HECW1: variants seen among roughly 807,000 people sequenced by gnomAD.
HECW1 encodes the protein E3 ubiquitin-protein ligase HECW1.
In HECW1, 61 loss-of-function variants were observed where a neutral mutation model predicts 182.3. The ratio of observed to expected loss-of-function variants is 0.33; its 90% CI spans 0.27 to 0.41. HECW1 has a LOEUF of 0.41. Among genes scored for constraint, HECW1 ranks in the 10% least tolerant of loss-of-function variants. HECW1 has a pLI of 1.00. For synonymous variants in HECW1, 859 were observed against 832.6 expected (o/e 1.03, Z -0.55); for missense variants, 1,739 against 2,108.9 (o/e 0.82, Z 3.44).
chr7:43,454,832 C>T (rs1328992439), intron 12 of HECW1, among the ~76,000 whole-genome samples: 2 of 152,216 alleles, frequency 1.3e-5, no homozygotes. Flanking sequence ...AAAGCTATGG[C>T]TTTTCTCACT....
intron 2 of HECW1, among the ~76,000 whole-genome samples, chr7:43,149,650 G>A (rs917418667): frequency 1.3e-5 from 2 of 152,164 alleles, no homozygotes; most frequent in Non-Finnish European, 2.9e-5. Flanking sequence ...AGGATGCTTG[G>A]TGGAAGATAA....
rs1025902237 is a variant in HECW1 at position 43,342,398 on chromosome 7, G to A, written c.461-18488G>A. Among the ~76,000 whole-genome samples the A allele has an allele frequency of 3.3e-5, 5 of 151,830 alleles. No homozygotes were observed. The East Asian group carries it at 9.7e-4, about 29-fold the overall frequency. On this transcript the variant is annotated intron_variant, in intron 5 of 29. Transcript: ENST00000395891. Reference sequence around the variant, plus strand: ...AAAAAGAAATACAAATGGATATACTGCCATATAGGATAGACTGGCAGGACT... The same window carrying A: ...AAAAAGAAATACAAATGGATATACTACCATATAGGATAGACTGGCAGGACT...
At chr7:43,417,589 G>C (rs1014245334) in intron 8 of HECW1, among the ~76,000 whole-genome samples, 1 of 152,118 alleles carries the variant, frequency 6.6e-6, no homozygotes, top group Non-Finnish European at 1.5e-5. Context: ...TCCGCCCAGT[G>C]AGGTGGCACA....
At chr7:43,190,497 A>G (rs546424170) in intron 2 of HECW1, among the ~76,000 whole-genome samples, 2 of 152,282 alleles carry the variant, frequency 1.3e-5, no homozygotes, top group South Asian at 2.1e-4. Flanking sequence ...AGCTTGAGGG[A>G]TTTTCAAAGG....
chr7:43,323,644 A>T (rs1011709993), intron 5 of HECW1, among the ~76,000 whole-genome samples: 1 of 152,350 alleles, frequency 6.6e-6, no homozygotes, highest in East Asian at 1.9e-4. Context: ...ATACATTATA[A>T]TATAAAACCA....
intron 3 of HECW1, among the ~76,000 whole-genome samples, chr7:43,308,038 A>ATG (rs1807864566): frequency 8.7e-6 from 1 of 115,134 alleles, no homozygotes; most frequent in Non-Finnish European, 1.6e-5. Flanking sequence ...TATATATTAT[A>ATG]TTGTATTATA....
chr7:43,486,586 C>T (rs1375252343), intron 17 of HECW1, among the ~76,000 whole-genome samples: 2 of 152,240 alleles, frequency 1.3e-5, no homozygotes, highest in Non-Finnish European at 2.9e-5. Flanking sequence ...CAGGCGTGAG[C>T]CACCGTGCCT....
At chr7:43,455,794 C>T (rs1203465059) in intron 12 of HECW1, among the ~76,000 whole-genome samples, 2 of 78 alleles carry the variant, frequency 0.026, no homozygotes, top group Non-Finnish European at 0.056. Context: ...AGTTTGAGAC[C>T]AGCCTGCCAA....
intron 8 of HECW1, among the ~76,000 whole-genome samples, chr7:43,426,075 A>G (rs1240364092): frequency 1.3e-5 from 2 of 152,246 alleles, no homozygotes; most frequent in African/African-American, 4.8e-5. Context: ...TTTCTTGCTA[A>G]CAAGCTGTCT....
intron 29 of HECW1, among the ~76,000 whole-genome samples, chr7:43,560,634 T>C (rs2082178984): frequency 6.6e-6 from 1 of 152,170 alleles, no homozygotes; most frequent in Non-Finnish European, 1.5e-5. Flanking sequence ...CCCCGTAACC[T>C]GAGTGCTGCA....
At chr7:43,148,424 T>A (rs1022448915) in intron 2 of HECW1, among the ~76,000 whole-genome samples, 2 of 151,744 alleles carry the variant, frequency 1.3e-5, no homozygotes, top group Non-Finnish European at 2.9e-5. Flanking sequence ...TGTGCCTGCA[T>A]GTCTCTGTGT....
chr7:43,419,809 T>C (rs1468657673), intron 8 of HECW1, among the ~76,000 whole-genome samples: 1 of 152,204 alleles, frequency 6.6e-6, no homozygotes, highest in African/African-American at 2.4e-5. Flanking sequence ...GCAGAAAGGG[T>C]ACACTCACCA....
chr7:43,313,556 C>T (rs1296166713), intron 4 of HECW1, among the ~76,000 whole-genome samples: 1 of 152,102 alleles, frequency 6.6e-6, no homozygotes, highest in African/African-American at 2.4e-5. Flanking sequence ...AGGCTGGTCT[C>T]GAACTCCCGA....
At chr7:43,368,352 C>T (rs73689993) in intron 6 of HECW1, among the ~76,000 whole-genome samples, 346 of 152,312 alleles carry the variant, frequency 2.3e-3, no homozygotes, top group African/African-American at 8.0e-3. Flanking sequence ...GCCATGATTT[C>T]TGATCAAGCC....
intron 2 of HECW1, among the ~76,000 whole-genome samples, chr7:43,219,322 T>C (rs1050624598): frequency 1.6e-4 from 24 of 152,164 alleles, no homozygotes; most frequent in African/African-American, 5.8e-4. Flanking sequence ...GAAATGTTTC[T>C]GGAGCCGCTT....
chr7:43,269,765 A>G (rs534559364), intron 3 of HECW1, among the ~76,000 whole-genome samples: 10 of 152,310 alleles, frequency 6.6e-5, no homozygotes, highest in Non-Finnish European at 1.3e-4. Flanking sequence ...GCAAGAATAC[A>G]AAGCTGGGGG....
intron 3 of HECW1, among the ~76,000 whole-genome samples, chr7:43,308,215 TATG>T (rs1401289332): frequency 7.6e-5 from 7 of 91,838 alleles, no homozygotes; most frequent in Admixed American, 5.0e-4. Flanking sequence ...TTTTATATAT[TATG>T]ATATATTTTT....
At chr7:43,410,818 T>C (rs58183547) in intron 8 of HECW1, among the ~76,000 whole-genome samples, 25,797 of 152,100 alleles carry the variant, frequency 0.17, 2,491 homozygotes, top group African/African-American at 0.25. Flanking sequence ...TGTTTTATTG[T>C]CTTTTAATGT....
At chr7:43,423,298 C>A (rs772940954) in intron 8 of HECW1, among the ~76,000 whole-genome samples, 10 of 152,124 alleles carry the variant, frequency 6.6e-5, no homozygotes, top group Non-Finnish European at 1.5e-4. Flanking sequence ...AGTACAAAAA[C>A]CAGTTCTTTT....
Sources: allele counts gnomAD v4.1 joint callset (sites outside exome capture counted in the v4.1 genomes callset), GRCh38; gene constraint gnomAD v4.1.1; transcripts MANE v1.5; gene names NCBI Gene and HGNC (gene_info 2026-07-23, HGNC 2026-07-21).